ANKFY1: variants seen among roughly 807,000 people sequenced by gnomAD.
The protein encoded by ANKFY1 is ankyrin repeat and FYVE domain-containing protein 1.
In ANKFY1, 47 loss-of-function variants were observed where a neutral mutation model predicts 128.3. That is an observed-to-expected ratio of 0.37 (90% CI 0.29 to 0.47). The LOEUF (loss-of-function observed/expected upper bound fraction) is 0.47, where lower values mean the gene tolerates loss of function less well. Ranked by LOEUF, ANKFY1 falls within the 20% of genes least tolerant of loss-of-function variation. The probability of loss-of-function intolerance (pLI) is 1.00; values close to 1 mark genes in which losing one functional copy is unlikely to be tolerated. For synonymous variants in ANKFY1, 553 were observed against 601.6 expected (o/e 0.92, Z 1.18); for missense variants, 1,222 against 1,510.6 (o/e 0.81, Z 3.17).
chr17:4,256,331 G>C (rs955015062), intron 1 of ANKFY1, among the ~76,000 whole-genome samples: 1 of 152,166 alleles, frequency 6.6e-6, no homozygotes, highest in Non-Finnish European at 1.5e-5. Context: ...AGGAGGCGGA[G>C]GCAGGAGAAC....
intron 23 of ANKFY1, among the ~76,000 whole-genome samples, chr17:4,170,170 C>T (rs1438264104): frequency 6.6e-6 from 1 of 152,194 alleles, no homozygotes; most frequent in Admixed American, 6.5e-5. Context: ...CCGGGGATGT[C>T]GGAGCTTGTT....
At chr17:4,233,167 T>C (rs944874173) in intron 3 of ANKFY1, among the ~76,000 whole-genome samples, 1 of 152,222 alleles carries the variant, frequency 6.6e-6, no homozygotes, top group Non-Finnish European at 1.5e-5. Flanking sequence ...TTTCAAAAGA[T>C]GGTAGCTTAT....
chr17:4,238,759 C>A (rs550511781), intron 2 of ANKFY1, among the ~76,000 whole-genome samples: 10 of 151,896 alleles, frequency 6.6e-5, no homozygotes, highest in African/African-American at 1.9e-4. Flanking sequence ...AGCCACCACA[C>A]CCAGCCTTGT....
chr17:4,225,880 C>T (rs1251655843), intron 3 of ANKFY1, among the ~76,000 whole-genome samples: 1 of 152,118 alleles, frequency 6.6e-6, no homozygotes, highest in African/African-American at 2.4e-5. Context: ...CCCACCTCAA[C>T]CTTCTAAGTA....
intron 5 of ANKFY1, among the ~76,000 whole-genome samples, chr17:4,208,429 T>G (rs940473089): frequency 4.6e-5 from 7 of 152,192 alleles, no homozygotes; most frequent in Non-Finnish European, 1.0e-4. Context: ...CTAACAGGAA[T>G]GCGCCCCAAG....
At chr17:4,168,991 C>A in intron 24 of ANKFY1, 1 of 532,478 alleles carries the variant, frequency 1.9e-6, no homozygotes, top group Non-Finnish European at 3.4e-6. Flanking sequence ...AGCAGGAAAG[C>A]CACCCGTCTG....
chr17:4,224,268 G>A (rs1336310829), intron 3 of ANKFY1, among the ~76,000 whole-genome samples: 2 of 131,176 alleles, frequency 1.5e-5, no homozygotes, highest in East Asian at 5.0e-4. Context: ...TGTCGCCCAG[G>A]CTGGAGTGCA....
intron 2 of ANKFY1, among the ~76,000 whole-genome samples, chr17:4,240,668 A>G (rs1268780406): frequency 6.6e-6 from 1 of 152,252 alleles, no homozygotes; most frequent in Non-Finnish European, 1.5e-5. Context: ...CTGGGATTAC[A>G]GGCATGCGCC....
At chr17:4,230,687 CAT>C (rs1304679529) in intron 3 of ANKFY1, among the ~76,000 whole-genome samples, 5 of 152,038 alleles carry the variant, frequency 3.3e-5, no homozygotes, top group African/African-American at 9.7e-5. Context: ...TAATGTATGA[CAT>C]GTTTTGATAT....
At chr17:4,218,154 C>A (rs541201745) in intron 3 of ANKFY1, among the ~76,000 whole-genome samples, 2 of 152,298 alleles carry the variant, frequency 1.3e-5, no homozygotes, top group East Asian at 3.9e-4. Flanking sequence ...ATTTTTTTAT[C>A]TCTCAGACTA....
intron 2 of ANKFY1, among the ~76,000 whole-genome samples, chr17:4,240,209 C>T (rs916258917): frequency 2.6e-5 from 4 of 151,580 alleles, no homozygotes; most frequent in African/African-American, 4.8e-5. Context: ...GGATTACAGG[C>T]GCCCGCCACC....
At position 4,263,933 on chromosome 17, in the gene ANKFY1, T is replaced by C; in HGVS notation, c.9A>G (p.Glu3=). The change falls in exon 1 of 25, where the codon GAA becomes GAG. Residue 3 remains glutamate, a splice_region_variant and synonymous_variant. Transcript: ENST00000341657. MA[E]EEVAKLEKHL... ...CGCGGCTCCACAAAAAAACCCTACC[T>C]TCCGCCATGTCTGGCCCGGCACTGC... 6.2e-7 allele frequency: 1 copy of C among 1,613,950 alleles called. No individual in the cohort carries two copies. Among genetic ancestry groups the C allele is most frequent in the South Asian group, 1.1e-5 (1 of 91,084 alleles).
chr17:4,233,792 C>A (rs1406919181), intron 3 of ANKFY1, among the ~76,000 whole-genome samples: 1 of 152,190 alleles, frequency 6.6e-6, no homozygotes, highest in African/African-American at 2.4e-5. Flanking sequence ...CAGCAGAGTA[C>A]GGGCTCCGTA....
At chr17:4,172,195 C>T (rs1395330895) in intron 22 of ANKFY1, among the ~76,000 whole-genome samples, 1 of 152,186 alleles carries the variant, frequency 6.6e-6, no homozygotes, top group Non-Finnish European at 1.5e-5. Context: ...TAGCACATTT[C>T]TTCCTTTTGA....
chr17:4,167,980 A>G lies in ANKFY1; in HGVS notation c.3378-69T>C. ...AGACTCTGCTTCCTGGCACGTGAGG[A>G]CAACCGCAGCAGGGCCTGGCAGCCA... is the stretch of plus-strand genomic sequence containing the variant. On this transcript the variant is annotated intron_variant, in intron 24 of 24. Transcript: ENST00000341657. The surrounding 1 kb of genome is among the most constrained non-coding windows in gnomAD (Gnocchi z 4.1). 1 of 1,550,774 alleles carries G rather than the reference A, an allele frequency of 6.4e-7. No individual in the cohort carries two copies. Among genetic ancestry groups the G allele is most frequent in the Non-Finnish European group, 8.8e-7 (1 of 1,142,636 alleles).
chr17:4,244,845 C>A (rs1440730457), intron 1 of ANKFY1, among the ~76,000 whole-genome samples: 1 of 152,100 alleles, frequency 6.6e-6, no homozygotes, highest in Non-Finnish European at 1.5e-5. Flanking sequence ...TCACCTGGGT[C>A]CTGCTAGTCA....
At chr17:4,249,111 C>T (rs1967707830) in intron 1 of ANKFY1, 1 of 984,960 alleles carries the variant, frequency 1.0e-6, no homozygotes, top group Admixed American at 6.2e-5. Context: ...TTATATGGCA[C>T]AGTCAGAAGA....
chr17:4,203,858 A>G (rs2059978338), intron 7 of ANKFY1, among the ~76,000 whole-genome samples: 1 of 151,276 alleles, frequency 6.6e-6, no homozygotes, highest in Admixed American at 6.6e-5. Context: ...AGAAAGAAAG[A>G]AAAAAGAAAC....
chr17:4,167,734 TG>T lies in ANKFY1; in HGVS notation c.*44del. The T allele has an allele frequency of 6.4e-7, 1 of 1,571,026 alleles. No homozygotes were observed. The highest frequency in any genetic ancestry group is 8.7e-7 in the Non-Finnish European group (1 of 1,155,162). ...TCAGGCTGGTGAGCAGAGCAGCTGC[TG>T]GGGAGGTGACCAAGGACGTGGCCTG... On this transcript the variant is annotated 3_prime_UTR_variant, in exon 25 of 25. Transcript: ENST00000341657. The surrounding 1 kb of genome is among the most constrained non-coding windows in gnomAD (Gnocchi z 4.1).
Sources: allele counts gnomAD v4.1 joint callset (sites outside exome capture counted in the v4.1 genomes callset), GRCh38; gene constraint gnomAD v4.1.1; non-coding constraint Gnocchi (gnomAD v3.1); transcripts MANE v1.5; gene names NCBI Gene and HGNC (gene_info 2026-07-23, HGNC 2026-07-21).